The following CCDC141 variants were observed in gnomAD, a reference collection of about 807,000 sequenced individuals.
CCDC141 encodes coiled-coil domain-containing protein 141.
A neutral mutation model predicts 181.0 loss-of-function variants in CCDC141; 168 were observed. That is an observed-to-expected ratio of 0.93 (90% CI 0.82 to 1.05). CCDC141 has a LOEUF of 1.05. Ranked by LOEUF, CCDC141 falls within the 50% of genes least tolerant of loss-of-function variation. The pLI is 0.00. For synonymous variants in CCDC141, 666 were observed against 642.3 expected (o/e 1.04, Z -0.56); for missense variants, 1,902 against 1,788.5 (o/e 1.06, Z -1.14).
chr2:178,907,416 C>T (rs1341263423), intron 7 of CCDC141, among the ~76,000 whole-genome samples: 1 of 152,166 alleles, frequency 6.6e-6, no homozygotes, highest in African/African-American at 2.4e-5. Flanking sequence ...AAAAGATTAC[C>T]TTGGAAGACT....
intron 2 of CCDC141, among the ~76,000 whole-genome samples, chr2:178,984,743 AT>A (rs1358285418): frequency 1.7e-4 from 26 of 151,156 alleles, no homozygotes; most frequent in Non-Finnish European, 7.4e-5. Flanking sequence ...TGGTAAAGGG[AT>A]CAATTCAACA....
chr2:178,905,248 C>T, intron 8 of CCDC141, 81 bp downstream of exon 8: 1 of 1,262,254 alleles, frequency 7.9e-7, no homozygotes, highest in Non-Finnish European at 1.1e-6. Flanking sequence ...CAGAAAAAGA[C>T]AATCATGCAT....
intron 2 of CCDC141, among the ~76,000 whole-genome samples, chr2:179,017,327 T>C (rs1469814184): frequency 6.6e-6 from 1 of 152,138 alleles, no homozygotes; most frequent in Non-Finnish European, 1.5e-5. Flanking sequence ...AAGCCCATCT[T>C]ACAAATGAGC....
At chr2:178,964,474 AT>A (rs1008646454) in intron 4 of CCDC141, among the ~76,000 whole-genome samples, 9 of 151,980 alleles carry the variant, frequency 5.9e-5, no homozygotes, top group Admixed American at 1.3e-4. Flanking sequence ...TAAAATTCAA[AT>A]TTTTTTTCTG....
intron 2 of CCDC141, among the ~76,000 whole-genome samples, chr2:179,016,742 T>C (rs1054959265): frequency 6.6e-6 from 1 of 152,106 alleles, no homozygotes; most frequent in African/African-American, 2.4e-5. Flanking sequence ...CTTATTTCCC[T>C]GGTTAATTTT....
At chr2:178,821,469 C>T in the CCDC141 span, among the ~76,000 whole-genome samples, 1 of 152,082 alleles carries the variant, frequency 6.6e-6, no homozygotes, top group African/African-American at 2.4e-5. Flanking sequence ...ATGAGAAAAT[C>T]AAGAACACAC....
intron 21 of CCDC141, among the ~76,000 whole-genome samples, chr2:178,848,879 T>C (rs1364662193): frequency 1.3e-5 from 2 of 152,142 alleles, no homozygotes; most frequent in African/African-American, 2.4e-5. Context: ...ACATACATAT[T>C]AGAAATATTA....
Position 178,869,195 on chromosome 2 carries a change from A to T in CCDC141, c.2316T>A (p.His772Gln), listed in dbSNP as rs779502782. 1.2e-6 allele frequency: 2 copies of T among 1,613,504 alleles called. No homozygotes were observed. Among genetic ancestry groups the T allele is most frequent in the Non-Finnish European group, 1.7e-6 (2 of 1,179,756 alleles). Reference protein sequence around the residue: ...SQQLKDLIHFHQKQKERIQDY... With the variant: ...SQQLKDLIHFQQKQKERIQDY... ...CCTGGATTCTCTCTTTCTGTTTTTG[A>T]TGGAAGTGAATAAGGTCCTTCAGTT... Residue 772 changes from histidine (H) to glutamine (Q), a missense_variant, in exon 15 of 24, where the codon CAT becomes CAA. By Grantham distance (24) the His-to-Gln change is conservative (BLOSUM62 0). Coordinates refer to ENST00000443758, the MANE Select transcript of CCDC141 (RefSeq NM_173648.4).
At chr2:178,859,032 C>T (rs1369133280) in intron 17 of CCDC141, among the ~76,000 whole-genome samples, 1 of 152,114 alleles carries the variant, frequency 6.6e-6, no homozygotes. Context: ...AGAACGTGTG[C>T]ACTTCCACTG....
chr2:178,984,453 T>A (rs1442061247), intron 2 of CCDC141, among the ~76,000 whole-genome samples: 1 of 151,280 alleles, frequency 6.6e-6, no homozygotes, highest in Non-Finnish European at 1.5e-5. Flanking sequence ...AGGATCAAAT[T>A]CACACATAAC....
At chr2:178,902,432 A>C (rs1375980390) in intron 8 of CCDC141, among the ~76,000 whole-genome samples, 1 of 152,198 alleles carries the variant, frequency 6.6e-6, no homozygotes, top group East Asian at 1.9e-4. Flanking sequence ...AACAGAACAG[A>C]GCCCTCAGAA....
At chr2:179,014,461 A>G (rs2042367304) in intron 2 of CCDC141, among the ~76,000 whole-genome samples, 1 of 152,220 alleles carries the variant, frequency 6.6e-6, no homozygotes, top group Admixed American at 6.5e-5. Context: ...CGGCAAAAGG[A>G]ACAGTCAGCA....
chr2:178,967,071 C>A (rs184918488), intron 4 of CCDC141, among the ~76,000 whole-genome samples: 1,853 of 151,992 alleles, frequency 0.012, 103 homozygotes, highest in Admixed American at 0.1. Context: ...GAAAAAGGAA[C>A]AAGCAAAGCC....
chr2:178,972,176 A>T (rs1419970484), intron 4 of CCDC141, among the ~76,000 whole-genome samples: 1 of 152,174 alleles, frequency 6.6e-6, no homozygotes, highest in African/African-American at 2.4e-5. Context: ...GCAGCTTCTC[A>T]GTTCTTACAT....
At chr2:179,020,368 C>CA (rs1233602030) in intron 2 of CCDC141, among the ~76,000 whole-genome samples, 2 of 152,240 alleles carry the variant, frequency 1.3e-5, no homozygotes, top group South Asian at 2.1e-4. Context: ...TAAGGATCTG[C>CA]ATGTCAGAAT....
chr2:178,886,359 C>A (rs939562153), intron 10 of CCDC141, among the ~76,000 whole-genome samples: 2 of 152,164 alleles, frequency 1.3e-5, no homozygotes, highest in African/African-American at 4.8e-5. Flanking sequence ...TCCTTGGAAT[C>A]TTGCAATAAC....
chr2:178,853,504 G>A lies in CCDC141; in HGVS notation c.3181C>T (p.Pro1061Ser). The change falls in exon 20 of 24, where the codon CCC becomes TCC. Residue 1061 changes from proline to serine, a missense_variant. Transcript: ENST00000443758. ...CTTTCTTCTTGCTGCGGCACTGAGGGTGCAATAAACTTATTAAACTGCTGG... is the reference window on the plus strand; with the variant it reads ...CTTTCTTCTTGCTGCGGCACTGAGGATGCAATAAACTTATTAAACTGCTGG... ...LHQQFNKFIA[P>S]SVPQQEERIQ... is the part of the protein sequence containing the mutation. 1.2e-6 allele frequency: 2 copies of A among 1,614,126 alleles called. No individual in the cohort carries two copies. The highest frequency in any genetic ancestry group is 2.2e-5 in the South Asian group (2 of 91,076).
chr2:178,886,943 A>G, intron 9 of CCDC141, 72 bp from the exon 10 acceptor site: 1 of 865,834 alleles, frequency 1.2e-6, no homozygotes, highest in Non-Finnish European at 1.6e-6. Context: ...TGTGTCAGGA[A>G]GATAAATATT....
At chr2:178,982,638 C>A (rs1189440400) in intron 2 of CCDC141, among the ~76,000 whole-genome samples, 1 of 115,772 alleles carries the variant, frequency 8.6e-6, no homozygotes, top group East Asian at 4.0e-4. Flanking sequence ...CAGAGCGAGG[C>A]ACTGCCTCCC....
Sources: allele counts gnomAD v4.1 joint callset (sites outside exome capture counted in the v4.1 genomes callset), GRCh38; gene constraint gnomAD v4.1.1; transcripts MANE v1.5; gene names NCBI Gene and HGNC (gene_info 2026-07-23, HGNC 2026-07-21).